LYZL2: variants seen among roughly 807,000 people sequenced by gnomAD.
LYZL2 encodes the protein lysozyme-like protein 2.
LYZL2 carries 13 observed loss-of-function variants against 17.1 expected under a neutral mutation model. The ratio of observed to expected loss-of-function variants is 0.76; its 90% CI spans 0.49 to 1.21. The LOEUF is 1.21. LYZL2 is among the 50% of genes most tolerant of loss of function. LYZL2 has a pLI of 0.00. For missense variants in LYZL2, 166 were observed against 189.2 expected, an observed-to-expected ratio of 0.88 and a Z score of 0.72; for synonymous variants, 63 against 74.4, an observed-to-expected ratio of 0.85 and a Z score of 0.79.
chr10:30,623,429 GT>G (rs886596883), intron 3 of LYZL2, among the ~76,000 whole-genome samples: 3 of 152,144 alleles, frequency 2.0e-5, no homozygotes, highest in African/African-American at 7.2e-5. Flanking sequence ...AGACCTATGT[GT>G]GTCTGTGGCC....
In LYZL2 at chr10:30,629,659, C is replaced by T; in HGVS notation, c.-92G>A. ...CTCAGTTGAGTCTGCGGAAGAAACA[C>T]TGCTCCACTTAGTCGGTGACAGGCA... is the stretch of plus-strand genomic sequence containing the variant. On this transcript the variant is annotated 5_prime_UTR_variant, in exon 1 of 5. It adds an upstream start codon to the 5' untranslated region. Transcript: ENST00000647634. 1 of 1,614,192 alleles carries T rather than the reference C, an allele frequency of 6.2e-7. No individual in the cohort carries two copies. Among genetic ancestry groups the T allele is most frequent in the African/African-American group, 1.3e-5 (1 of 75,062 alleles).
intron 2 of LYZL2, 138 bp from the exon 3 acceptor site, chr10:30,626,401 G>T: frequency 9.4e-6 from 13 of 1,390,088 alleles, no homozygotes; most frequent in Non-Finnish European, 1.3e-5. Flanking sequence ...GGGCGGGCAT[G>T]TGCCCAGGGG....
chr10:30,612,877 C>T lies in LYZL2; in HGVS notation c.322G>A (p.Asp108Asn), dbSNP rs1838467109. ...ATTTTCTTGGCACAGATAATCGCAT[C>T]TGTGAGGTCATCAGTGACCAAGGCT... ...CSALVTDDLTDAIICAKKIVK... is the reference protein window; with the variant it reads ...CSALVTDDLTNAIICAKKIVK... The change falls in exon 4 of 5, where the codon GAT (aspartate) becomes AAT (asparagine). Residue 108 changes from aspartate (D) to asparagine (N), a missense_variant. Around this residue, in one of 2 missense-constraint regions of LYZL2, gnomAD observed 134 missense variants for 129.4 expected, o/e 1.04. Coordinates refer to ENST00000647634, the MANE Select transcript of LYZL2 (RefSeq NM_183058.3). 2.5e-6 allele frequency: 4 copies of T among 1,613,806 alleles called. No homozygotes were observed. In the South Asian group the frequency reaches 3.3e-5, roughly 13 times the overall value.
chr10:30,623,868 A>T lies in LYZL2; in HGVS notation c.298+2237T>A, dbSNP rs1296145655. Among the ~76,000 whole-genome samples the T allele has an allele frequency of 3.9e-5, 6 of 152,136 alleles. No individual in the cohort carries two copies. The East Asian group carries it at 1.2e-3, about 29-fold the overall frequency. ...TCCACGGAAAATTTGTCTTCCACAG[A>T]CTGTTCCCTGGTGCCAAAAAGGTTG... On this transcript the variant is annotated intron_variant, in intron 3 of 4. Coordinates refer to ENST00000647634, the MANE Select transcript of LYZL2 (RefSeq NM_183058.3).
At position 30,612,994 on chromosome 10, in the gene LYZL2, G is replaced by A. The variant is rs574667085; in HGVS notation, c.299-94C>T. The A allele has an allele frequency of 1.8e-4, 167 of 926,242 alleles. No homozygotes were observed. The South Asian group carries it at 2.3e-3, about 13-fold the overall frequency. 57.4% of individuals were successfully genotyped at this position (926,242 alleles called of 1,614,324 possible). On this transcript the variant is annotated intron_variant, in intron 3 of 4. Coordinates refer to ENST00000647634, the MANE Select transcript of LYZL2 (RefSeq NM_183058.3). ...ACTTCATTTTTCTCAGTCTTTTTGG[G>A]ATGGGAAGGTTGGAAGAACTATAAT...
chr10:30,622,424 C>T (rs1197383181), intron 3 of LYZL2, among the ~76,000 whole-genome samples: 1 of 152,106 alleles, frequency 6.6e-6, no homozygotes, highest in Non-Finnish European at 1.5e-5. Flanking sequence ...TGGCATGTGC[C>T]TGTAGTCCCA....
At chr10:30,606,386 C>T in the LYZL2 span, among the ~76,000 whole-genome samples, 19 of 123,350 alleles carry the variant, frequency 1.5e-4, no homozygotes, top group East Asian at 3.3e-3. Flanking sequence ...TAGGGTCTTT[C>T]TCTGGTGCCC....
At chr10:30,620,047 A>C (rs1838595866) in intron 3 of LYZL2, among the ~76,000 whole-genome samples, 1 of 152,206 alleles carries the variant, frequency 6.6e-6, no homozygotes, top group African/African-American at 2.4e-5. Flanking sequence ...ATATGCCAAA[A>C]ATTGTGTAAT....
rs748791972 is a variant in LYZL2 at position 30,612,874 on chromosome 10, C to A, written c.325G>T (p.Ala109Ser). 1 of 1,613,890 alleles carries A rather than the reference C, an allele frequency of 6.2e-7. No homozygotes were observed. The highest frequency in any genetic ancestry group is 8.5e-7 in the Non-Finnish European group (1 of 1,179,782). Residue 109 changes from alanine to serine, a missense_variant, in exon 4 of 5, where the codon GCG becomes TCG. By Grantham distance (99) the Ala-to-Ser change is moderately conservative. Transcript: ENST00000647634. ...SALVTDDLTDAIICAKKIVKE... is the reference protein window; with the variant it reads ...SALVTDDLTDSIICAKKIVKE... ...ACAATTTTCTTGGCACAGATAATCG[C>A]ATCTGTGAGGTCATCAGTGACCAAG...
downstream of LYZL2, among the ~76,000 whole-genome samples, chr10:30,607,922 C>A (rs571550479): frequency 6.6e-6 from 1 of 152,268 alleles, no homozygotes; most frequent in South Asian, 2.1e-4. Flanking sequence ...AGAAACATCG[C>A]CAGGAGGCTG....
chr10:30,613,496 T>C (rs10160150), intron 3 of LYZL2, among the ~76,000 whole-genome samples: 36,804 of 145,206 alleles, frequency 0.25, 4,864 homozygotes, highest in South Asian at 0.36. Flanking sequence ...GACTCTGTCT[T>C]AAGAAAAAAA....
downstream of LYZL2, among the ~76,000 whole-genome samples, chr10:30,607,300 G>A (rs1838388507): frequency 1.3e-5 from 2 of 151,920 alleles, no homozygotes; most frequent in Non-Finnish European, 2.9e-5. Flanking sequence ...TAACCAATAA[G>A]GTGAGTAAAA....
At chr10:30,607,870 C>T (rs1284651798), downstream of LYZL2, among the ~76,000 whole-genome samples, 1 of 152,160 alleles carries the variant, frequency 6.6e-6, no homozygotes, top group Non-Finnish European at 1.5e-5. Context: ...GCAGTCGGAC[C>T]CTTCAAGACA....
chr10:30,622,896 G>T lies in LYZL2; in HGVS notation c.298+3209C>A, dbSNP rs143627808. Among the ~76,000 whole-genome samples, 100 of 152,288 alleles carry T rather than the reference G, an allele frequency of 6.6e-4. 1 individual carries two copies. Among genetic ancestry groups the T allele is most frequent in the Admixed American group, 2.7e-3 (42 of 15,302 alleles). On this transcript the variant is annotated intron_variant, in intron 3 of 4. Coordinates refer to ENST00000647634, the MANE Select transcript of LYZL2 (RefSeq NM_183058.3). ...ATAAAAGCAACACATAACTCTACAT[G>T]ACTTATAAATAATTCACCTTAAATA...
In LYZL2 at chr10:30,611,920, G is replaced by T. The variant is rs1838450908; in HGVS notation, c.*35C>A. Reference sequence around the variant, plus strand: ...TTGGACATTCACTGCAAACCCTAGGGCGTTGCTGCAAAGCATCCTGGGTCC... The same window carrying T: ...TTGGACATTCACTGCAAACCCTAGGTCGTTGCTGCAAAGCATCCTGGGTCC... On this transcript the variant is annotated 3_prime_UTR_variant, in exon 5 of 5. Transcript: ENST00000647634. The T allele has an allele frequency of 6.2e-7, 1 of 1,614,018 alleles. No individual in the cohort carries two copies. The highest frequency in any genetic ancestry group is 8.5e-7 in the Non-Finnish European group (1 of 1,180,024).
chr10:30,612,818 T>C lies in LYZL2; in HGVS notation c.377+4A>G, dbSNP rs1838465717. The C allele has an allele frequency of 1.9e-6, 3 of 1,608,908 alleles. No individual in the cohort carries two copies. Among genetic ancestry groups the C allele is most frequent in the South Asian group, 2.2e-5 (2 of 90,974 alleles). ...GCCCAAGTCTTCCAAGGAAAGACTC[T>C]TACCAATAGTTCATTCCTTGTGTCT... On this transcript the variant is annotated splice_donor_region_variant and intron_variant, in intron 4 of 4. Transcript: ENST00000647634.
intron 1 of LYZL2, among the ~76,000 whole-genome samples, chr10:30,627,495 T>C (rs1449630669): frequency 6.6e-6 from 1 of 151,970 alleles, no homozygotes; most frequent in East Asian, 1.9e-4. Flanking sequence ...AAATATAATA[T>C]AATAGTAAAT....
chr10:30,629,641 G>A lies in LYZL2; in HGVS notation c.-74C>T, dbSNP rs1588680942. 1 of 1,614,244 alleles carries A rather than the reference G, an allele frequency of 6.2e-7. No homozygotes were observed. Among genetic ancestry groups the A allele is most frequent in the East Asian group, 2.2e-5 (1 of 44,886 alleles). ...TGCCGCAGAGGCTGACTTCTCAGTT[G>A]AGTCTGCGGAAGAAACACTGCTCCA... is the stretch of plus-strand genomic sequence containing the variant. On this transcript the variant is annotated 5_prime_UTR_variant, in exon 1 of 5. Transcript: ENST00000647634.
chr10:30,606,656 C>T, the LYZL2 span, among the ~76,000 whole-genome samples: 1 of 152,250 alleles, frequency 6.6e-6, no homozygotes, highest in Admixed American at 6.5e-5. Context: ...ACTTCAGTGT[C>T]TTGTCTGTAC....
Sources: gnomAD v4.1 joint callset for allele counts (sites outside exome capture counted in the v4.1 genomes callset) on GRCh38, gnomAD v4.1.1 for gene constraint, gnomAD v4.1.1 regional missense constraint, MANE v1.5 for transcripts, NCBI Gene and HGNC (gene_info 2026-07-23, HGNC 2026-07-21) for gene names.